The following CDH23 variants were observed in gnomAD, a reference collection of about 807,000 sequenced individuals.
CDH23 encodes cadherin related 23.
A neutral mutation model predicts 317.1 loss-of-function variants in CDH23; 189 were observed. The observed-to-expected ratio is 0.60, with a 90% CI of 0.53 to 0.67. CDH23 has a LOEUF of 0.67. Among genes scored for constraint, CDH23 ranks in the 30% least tolerant of loss-of-function variants. The pLI is 0.00. For missense variants in CDH23, 4,401 were observed against 4,592.4 expected, an observed-to-expected ratio of 0.96 and a Z score of 1.20; for synonymous variants, 1,839 against 1,876.8, an observed-to-expected ratio of 0.98 and a Z score of 0.52.
intron 3 of CDH23, among the ~76,000 whole-genome samples, chr10:71,494,548 G>A (rs527541908): frequency 4.6e-5 from 7 of 152,266 alleles, no homozygotes; most frequent in East Asian, 1.9e-4. Context: ...CCTTCCTCAC[G>A]TGTTTGTGGT....
intron 9 of CDH23, among the ~76,000 whole-genome samples, chr10:71,590,375 T>C (rs1859384260): frequency 6.6e-6 from 1 of 152,182 alleles, no homozygotes; most frequent in Non-Finnish European, 1.5e-5. Context: ...GGCATTTCTT[T>C]TTGGGTGCAA....
At position 71,790,492 on chromosome 10, in the gene CDH23, C is replaced by A. The variant is rs1387398773; in HGVS notation, c.6049+79C>A. The A allele has an allele frequency of 7.8e-6, 12 of 1,539,896 alleles. No homozygotes were observed. In the African/African-American group the frequency reaches 1.6e-4, roughly 21 times the overall value. ...CCACACTGCTGGATTGAGGGCCTCC[C>A]TTCTCAGTGCTGGACCCAGGCTGTC... On this transcript the variant is annotated intron_variant, in intron 46 of 69. Transcript: ENST00000224721.
At chr10:71,800,280 ATCT>A (rs1841521099) in intron 52 of CDH23, among the ~76,000 whole-genome samples, 1 of 152,176 alleles carries the variant, frequency 6.6e-6, no homozygotes, top group Non-Finnish European at 1.5e-5. Flanking sequence ...CTCTGTCCAC[ATCT>A]TCTGGCACTC....
chr10:71,481,788 G>A (rs1159754658), intron 3 of CDH23, among the ~76,000 whole-genome samples: 1 of 152,234 alleles, frequency 6.6e-6, no homozygotes, highest in Non-Finnish European at 1.5e-5. Flanking sequence ...AGCTCGCAGA[G>A]CTAACCCTTG....
chr10:71,554,237 G>A (rs1375760224), intron 6 of CDH23, among the ~76,000 whole-genome samples: 1 of 152,000 alleles, frequency 6.6e-6, no homozygotes, highest in African/African-American at 2.4e-5. Flanking sequence ...TCACTCTGTG[G>A]CCCCAGCTGG....
intron 6 of CDH23, among the ~76,000 whole-genome samples, chr10:71,536,853 G>A (rs1855731349): frequency 6.6e-6 from 1 of 152,098 alleles, no homozygotes; most frequent in African/African-American, 2.4e-5. Context: ...TGGGGGCCAG[G>A]AGACCATGGA....
intron 68 of CDH23, 36 bp from the exon 69 acceptor site, chr10:71,813,208 G>A (rs1564809402): frequency 6.5e-7 from 1 of 1,537,460 alleles, no homozygotes; most frequent in Non-Finnish European, 8.8e-7. Context: ...AGGCAGGGGA[G>A]GGCCTTGGTG....
intron 6 of CDH23, among the ~76,000 whole-genome samples, chr10:71,562,370 A>G (rs1012828726): frequency 6.6e-6 from 1 of 152,212 alleles, no homozygotes; most frequent in Admixed American, 6.5e-5. Flanking sequence ...GGAGACGGTT[A>G]AAAAGAAGAG....
chr10:71,445,808 G>A (rs1850130456), intron 2 of CDH23, among the ~76,000 whole-genome samples: 1 of 131,166 alleles, frequency 7.6e-6, no homozygotes, highest in Admixed American at 9.2e-5. Flanking sequence ...TGATCACACT[G>A]CTACTCTTCA....
At chr10:71,499,014 G>A (rs1250718217) in intron 3 of CDH23, among the ~76,000 whole-genome samples, 1 of 152,182 alleles carries the variant, frequency 6.6e-6, no homozygotes, top group South Asian at 2.1e-4. Context: ...CTAAGTGTCC[G>A]TCAATGATAA....
At chr10:71,441,628 A>G (rs997502328) in intron 2 of CDH23, among the ~76,000 whole-genome samples, 1 of 152,116 alleles carries the variant, frequency 6.6e-6, no homozygotes, top group Non-Finnish European at 1.5e-5. Context: ...AGGCTGAGGC[A>G]CAAGAATCGC....
In CDH23 at chr10:71,738,615, G is replaced by T. The variant is rs1358994079; in HGVS notation, c.4327G>T (p.Ala1443Ser). The change falls in exon 35 of 70, where the codon GCC (alanine) becomes TCC (serine). Residue 1443 changes from alanine (A) to serine (S), a missense_variant. Transcript: ENST00000224721. ...PVGQRVATVK[A>S]WDPDAGSNGQ... ...GGGCCAGCGAGTGGCTACTGTCAAG[G>T]CCTGGGACCCTGATGCTGGCAGCAA... 1.9e-6 allele frequency: 3 copies of T among 1,613,514 alleles called. No individual in the cohort carries two copies. The African/African-American group carries it at 4.0e-5, about 22-fold the overall frequency.
intron 9 of CDH23, among the ~76,000 whole-genome samples, chr10:71,602,535 T>C (rs193114768): frequency 2.6e-5 from 4 of 152,276 alleles, no homozygotes; most frequent in Admixed American, 6.5e-5. Flanking sequence ...ACTGAACAGA[T>C]GGCAGTTGGA....
rs776158881 is a variant in CDH23, at chr10:71,730,584, A to G, written c.3695A>G (p.Gln1232Arg). 15 of 1,613,792 alleles carry G rather than the reference A, an allele frequency of 9.3e-6. 1 individual carries two copies. In the East Asian group the frequency reaches 3.1e-4, roughly 34 times the overall value. Residue 1232 changes from glutamine to arginine, a missense_variant, in exon 31 of 70, where the codon CAA (glutamine) becomes CGA (arginine). Transcript: ENST00000224721. ...AGIGTSVIVV[Q>R]ATDRDSGDGG... is the part of the protein sequence containing the mutation. ...ATTGGAACGTCAGTCATCGTGGTCCAAGCCACAGACCGAGACTCTGGTGAG... is the reference window on the plus strand; with the variant it reads ...ATTGGAACGTCAGTCATCGTGGTCCGAGCCACAGACCGAGACTCTGGTGAG...
chr10:71,544,266 CAAAT>C (rs1856150165), intron 6 of CDH23, among the ~76,000 whole-genome samples: 1 of 152,114 alleles, frequency 6.6e-6, no homozygotes, highest in African/African-American at 2.4e-5. Flanking sequence ...GAAATCAAAT[CAAAT>C]AAACTCTCCT....
chr10:71,663,867 G>C (rs1011032887), intron 14 of CDH23, among the ~76,000 whole-genome samples: 1 of 152,154 alleles, frequency 6.6e-6, no homozygotes, highest in Non-Finnish European at 1.5e-5. Context: ...CAAGCATGGT[G>C]GTGGGCACCT....
At chr10:71,643,565 C>CT (rs567738105) in intron 11 of CDH23, among the ~76,000 whole-genome samples, 7 of 151,688 alleles carry the variant, frequency 4.6e-5, no homozygotes, top group South Asian at 2.1e-4. Flanking sequence ...CCTTGCCCCC[C>CT]CCTCACCTCC....
At chr10:71,538,909 A>G (rs961516784) in intron 6 of CDH23, among the ~76,000 whole-genome samples, 5 of 152,174 alleles carry the variant, frequency 3.3e-5, no homozygotes, top group African/African-American at 1.2e-4. Context: ...TGGTAAAGGG[A>G]CAGAATAAGA....
At chr10:71,541,808 A>G (rs1168660903) in intron 6 of CDH23, among the ~76,000 whole-genome samples, 1 of 152,274 alleles carries the variant, frequency 6.6e-6, no homozygotes, top group African/African-American at 2.4e-5. Context: ...ATAGCATATA[A>G]AAGACTGAGG....
Sources: allele counts gnomAD v4.1 joint callset (sites outside exome capture counted in the v4.1 genomes callset), GRCh38; gene constraint gnomAD v4.1.1; transcripts MANE v1.5; gene names NCBI Gene and HGNC (gene_info 2026-07-23, HGNC 2026-07-21).